Variants in ATF7IP2 observed in about 807,000 individuals in gnomAD.
ATF7IP2 encodes the protein activating transcription factor 7 interacting protein 2.
Under a neutral mutation model 64.2 loss-of-function variants are expected in ATF7IP2, and 42 were observed. The observed-to-expected ratio is 0.65, with a 90% CI of 0.51 to 0.85. The LOEUF is 0.85. Ranked by LOEUF, ATF7IP2 falls within the 40% of genes least tolerant of loss-of-function variation. The pLI is 0.00. For synonymous variants in ATF7IP2, 308 were observed against 272.8 expected, an observed-to-expected ratio of 1.13 and a Z score of -1.27; for missense variants, 933 against 784.2, an observed-to-expected ratio of 1.19 and a Z score of -2.27.
chr16:10,396,453 G>A (rs564203146), intron 1 of ATF7IP2, among the ~76,000 whole-genome samples: 17 of 152,140 alleles, frequency 1.1e-4, no homozygotes, highest in African/African-American at 2.9e-4. Context: ...AAAGGTCATC[G>A]TGCAGACCAA....
chr16:10,459,938 A>G (rs1012036100), intron 9 of ATF7IP2, among the ~76,000 whole-genome samples: 4 of 152,204 alleles, frequency 2.6e-5, no homozygotes, highest in Non-Finnish European at 5.9e-5. Flanking sequence ...AAGAATGCCA[A>G]AAAATCGGGG....
intron 2 of ATF7IP2, among the ~76,000 whole-genome samples, chr16:10,416,248 A>G (rs1389486483): frequency 1.3e-5 from 2 of 152,248 alleles, no homozygotes; most frequent in Non-Finnish European, 2.9e-5. Context: ...GTACATATAC[A>G]CAATAGAATA....
intron 6 of ATF7IP2, among the ~76,000 whole-genome samples, chr16:10,434,130 C>T: frequency 6.6e-6 from 1 of 152,234 alleles, no homozygotes; most frequent in East Asian, 1.9e-4. Context: ...ATTTTCCAAA[C>T]TTAAACGGAT....
chr16:10,439,821 A>C (rs2048552395), intron 7 of ATF7IP2, among the ~76,000 whole-genome samples: 1 of 150,992 alleles, frequency 6.6e-6, no homozygotes, highest in East Asian at 2.0e-4. Context: ...GGCGTGAGCC[A>C]CTGCGCCCGG....
chr16:10,424,948 C>G (rs2048053857), intron 3 of ATF7IP2, among the ~76,000 whole-genome samples: 1 of 151,992 alleles, frequency 6.6e-6, no homozygotes, highest in Non-Finnish European at 1.5e-5. Context: ...AAGGTTAAAT[C>G]TAGAGTTACC....
chr16:10,457,060 A>G (rs533790181), intron 8 of ATF7IP2, among the ~76,000 whole-genome samples: 15 of 152,318 alleles, frequency 9.8e-5, no homozygotes, highest in Admixed American at 7.8e-4. Context: ...TTTCTTAAAT[A>G]TAGTGTTTAT....
chr16:10,476,512 T>A (rs2050014640), intron 12 of ATF7IP2, among the ~76,000 whole-genome samples: 1 of 152,094 alleles, frequency 6.6e-6, no homozygotes, highest in Non-Finnish European at 1.5e-5. Context: ...TTTTTTAAAC[T>A]TTATGTTCTG....
intron 12 of ATF7IP2, among the ~76,000 whole-genome samples, chr16:10,478,924 A>C (rs1445802624): frequency 6.6e-6 from 1 of 152,242 alleles, no homozygotes; most frequent in Non-Finnish European, 1.5e-5. Context: ...TGGCCATCAG[A>C]GGAATGCAAA....
chr16:10,422,599 C>T lies in ATF7IP2; in HGVS notation c.-160+2976C>T, dbSNP rs557005432. ...CGAACTTCAGCTATGTTAAATTGAG[C>T]AGGTTGAATTGGCCATGAGGACAGC... On this transcript the variant is annotated intron_variant, in intron 3 of 13. Coordinates refer to ENST00000562102, the MANE Select transcript of ATF7IP2 (RefSeq NM_001393719.1). Among the ~76,000 whole-genome samples, 8 of 152,266 alleles carry T rather than the reference C, an allele frequency of 5.3e-5. No homozygotes were observed. In the South Asian group the frequency reaches 1.7e-3, roughly 32 times the overall value.
intron 1 of ATF7IP2, among the ~76,000 whole-genome samples, chr16:10,391,630 G>T (rs1199453291): frequency 6.6e-6 from 1 of 152,138 alleles, no homozygotes; most frequent in African/African-American, 2.4e-5. Flanking sequence ...GGGTGCAGTG[G>T]CTCATGCCTG....
At chr16:10,433,834 G>C (rs986710248) in intron 6 of ATF7IP2, among the ~76,000 whole-genome samples, 185 bp downstream of exon 6, 1 of 152,136 alleles carries the variant, frequency 6.6e-6, no homozygotes, top group Non-Finnish European at 1.5e-5. Context: ...AAACAGCTCT[G>C]GTTTCTTGAA....
chr16:10,463,168 C>T (rs529468809), intron 9 of ATF7IP2, among the ~76,000 whole-genome samples: 2 of 152,248 alleles, frequency 1.3e-5, no homozygotes, highest in East Asian at 1.9e-4. Flanking sequence ...TTTGTTAGGA[C>T]AGTTGCTAAT....
chr16:10,411,834 T>TTGAA (rs1335730744), intron 1 of ATF7IP2, among the ~76,000 whole-genome samples: 3 of 151,946 alleles, frequency 2.0e-5, no homozygotes, highest in Non-Finnish European at 2.9e-5. Context: ...TGAATTAGCC[T>TTGAA]TGAATGATCT....
At chr16:10,474,263 A>G (rs1466149721) in intron 12 of ATF7IP2, among the ~76,000 whole-genome samples, 1 of 152,230 alleles carries the variant, frequency 6.6e-6, no homozygotes. Flanking sequence ...ACAAATTTAC[A>G]TAAATTTGAT....
chr16:10,410,311 A>AGTTTTGTTTT lies in ATF7IP2; in HGVS notation c.-241-4222_-241-4213dup, dbSNP rs71133350. Among the ~76,000 whole-genome samples, 124 of 150,262 alleles carry AGTTTTGTTTT rather than the reference A, an allele frequency of 8.3e-4. 1 individual carries two copies. The highest frequency in any genetic ancestry group is 6.8e-3 in the Middle Eastern group (2 of 292). On this transcript the variant is annotated intron_variant, in intron 1 of 13. Coordinates refer to ENST00000562102, the MANE Select transcript of ATF7IP2 (RefSeq NM_001393719.1). ...GACTCCTTGGTTAGGTATATTCCTA[A>AGTTTTGTTTT]GTTTTGTTTTGTTTTGTTTTGTTTT...
chr16:10,410,715 C>A (rs971409280), intron 1 of ATF7IP2, among the ~76,000 whole-genome samples: 1 of 152,144 alleles, frequency 6.6e-6, no homozygotes, highest in Non-Finnish European at 1.5e-5. Flanking sequence ...GAGGCCACTG[C>A]GCCTGGCCTA....
intron 2 of ATF7IP2, among the ~76,000 whole-genome samples, chr16:10,417,831 T>C (rs2047909679): frequency 1.3e-5 from 2 of 152,178 alleles, no homozygotes; most frequent in South Asian, 4.1e-4. Flanking sequence ...ACAAATGGAA[T>C]AGAATCGTGA....
At chr16:10,420,569 C>T (rs2047971781) in intron 3 of ATF7IP2, among the ~76,000 whole-genome samples, 1 of 152,206 alleles carries the variant, frequency 6.6e-6, no homozygotes. Context: ...GCAGTAGCAA[C>T]TAGGTGATCA....
chr16:10,423,161 G>A (rs934007951), intron 3 of ATF7IP2, among the ~76,000 whole-genome samples: 4 of 152,152 alleles, frequency 2.6e-5, no homozygotes, highest in African/African-American at 9.7e-5. Context: ...GGAGAATGGC[G>A]TGAGCCTGGG....
Sources: gnomAD v4.1 joint callset for allele counts (sites outside exome capture counted in the v4.1 genomes callset) on GRCh38, gnomAD v4.1.1 for gene constraint, MANE v1.5 for transcripts, NCBI Gene and HGNC (gene_info 2026-07-23, HGNC 2026-07-21) for gene names.